The following CUX1 variants were observed in gnomAD, a reference collection of about 807,000 sequenced individuals.
CUX1 encodes the protein protein CASP.
CUX1 carries 31 observed loss-of-function variants against 158.8 expected under a neutral mutation model. That is an observed-to-expected ratio of 0.20 (90% CI 0.15 to 0.26). The LOEUF is 0.26. Among genes scored for constraint, CUX1 ranks in the 10% least tolerant of loss-of-function variants. CUX1 has a pLI of 1.00. For synonymous variants in CUX1, 879 were observed against 862.1 expected, an observed-to-expected ratio of 1.02 and a Z score of -0.34; for missense variants, 1,589 against 2,014.6, an observed-to-expected ratio of 0.79 and a Z score of 4.04.
chr7:101,980,490 C>T (rs972114449), intron 2 of CUX1, among the ~76,000 whole-genome samples: 1 of 152,202 alleles, frequency 6.6e-6, no homozygotes, highest in Non-Finnish European at 1.5e-5. Context: ...GCCTGGGCGA[C>T]AGAGGGAGAC....
At chr7:102,100,315 G>T (rs1466919458) in intron 5 of CUX1, among the ~76,000 whole-genome samples, 1 of 152,160 alleles carries the variant, frequency 6.6e-6, no homozygotes, top group Non-Finnish European at 1.5e-5. Flanking sequence ...AGACAGACCT[G>T]GTTTGAGTCC....
chr7:102,169,903 AAGGG>A (rs1791523827), intron 9 of CUX1, among the ~76,000 whole-genome samples: 1 of 152,210 alleles, frequency 6.6e-6, no homozygotes, highest in South Asian at 2.1e-4. Flanking sequence ...TTGTCCAGTG[AAGGG>A]TTAAATATGT....
intron 8 of CUX1, among the ~76,000 whole-genome samples, chr7:102,142,883 C>T (rs1834616929): frequency 6.6e-6 from 1 of 152,038 alleles, no homozygotes; most frequent in Non-Finnish European, 1.5e-5. Context: ...GGTCAAACCA[C>T]TGCACTCCAG....
chr7:101,887,610 T>C (rs1800364935), intron 1 of CUX1, among the ~76,000 whole-genome samples: 1 of 152,018 alleles, frequency 6.6e-6, no homozygotes, highest in African/African-American at 2.4e-5. Flanking sequence ...CACCCGGCCA[T>C]GTCCTCTTTT....
intron 2 of CUX1, among the ~76,000 whole-genome samples, chr7:101,976,043 G>C (rs1812623099): frequency 6.6e-6 from 1 of 152,128 alleles, no homozygotes; most frequent in East Asian, 1.9e-4. Flanking sequence ...GAGGCAGGGA[G>C]AATCACTTGA....
chr7:101,980,409 C>T (rs1377671141), intron 2 of CUX1, among the ~76,000 whole-genome samples: 1 of 152,158 alleles, frequency 6.6e-6, no homozygotes, highest in African/African-American at 2.4e-5. Context: ...ACTGGGGAAG[C>T]TGAGGTGGGA....
chr7:102,010,937 C>A (rs111241639), intron 2 of CUX1, among the ~76,000 whole-genome samples: 19 of 151,904 alleles, frequency 1.3e-4, no homozygotes, highest in African/African-American at 4.3e-4. Context: ...ATGGAGAAAC[C>A]CCCATCTCTA....
At chr7:101,898,748 A>G (rs1021500918) in intron 1 of CUX1, among the ~76,000 whole-genome samples, 1 of 151,066 alleles carries the variant, frequency 6.6e-6, no homozygotes, top group Non-Finnish European at 1.5e-5. Context: ...GCACCACCAC[A>G]CCTGGCTAAT....
At chr7:102,078,715 A>T (rs184954246) in intron 4 of CUX1, among the ~76,000 whole-genome samples, 32 of 152,272 alleles carry the variant, frequency 2.1e-4, no homozygotes, top group African/African-American at 7.5e-4. Flanking sequence ...CTTTATTTCC[A>T]TAGGTTAACT....
chr7:101,984,236 G>A (rs1813973819), intron 2 of CUX1, among the ~76,000 whole-genome samples: 1 of 146,216 alleles, frequency 6.8e-6, no homozygotes, highest in Non-Finnish European at 1.5e-5. Context: ...GTCAGGCATT[G>A]AATATGGGCC....
At chr7:102,191,191 T>A (rs1586136054) in intron 12 of CUX1, among the ~76,000 whole-genome samples, 1 of 152,128 alleles carries the variant, frequency 6.6e-6, no homozygotes, top group Non-Finnish European at 1.5e-5. Flanking sequence ...GACCCCTACA[T>A]CCCTCTAACA....
intron 1 of CUX1, among the ~76,000 whole-genome samples, chr7:101,875,892 G>C (rs1431688489): frequency 1.3e-5 from 2 of 151,994 alleles, no homozygotes; most frequent in Admixed American, 1.3e-4. Flanking sequence ...AAAAATGAGA[G>C]TAAAGATTAA....
chr7:102,130,965 A>G (rs1014059273), intron 8 of CUX1, among the ~76,000 whole-genome samples: 51 of 152,062 alleles, frequency 3.4e-4, no homozygotes, highest in African/African-American at 1.2e-3. Context: ...CCTGGCCAAC[A>G]TGATGAAACC....
At chr7:101,889,008 G>A (rs976763691) in intron 1 of CUX1, among the ~76,000 whole-genome samples, 7 of 151,028 alleles carry the variant, frequency 4.6e-5, no homozygotes, top group African/African-American at 1.5e-4. Flanking sequence ...ACTCATGCCT[G>A]TAATCTTAGC....
At chr7:101,904,704 G>A (rs1802556426) in intron 1 of CUX1, among the ~76,000 whole-genome samples, 1 of 151,784 alleles carries the variant, frequency 6.6e-6, no homozygotes, top group Non-Finnish European at 1.5e-5. Context: ...AAGTAGCTGA[G>A]ATTGCAGGCG....
chr7:102,212,568 C>T (rs1554523455), intron 20 of CUX1, among the ~76,000 whole-genome samples: 1 of 152,036 alleles, frequency 6.6e-6, no homozygotes, highest in East Asian at 1.9e-4. Flanking sequence ...TAAAATGCAC[C>T]ATAGTTACAA....
rs528881840 is a variant in CUX1, at chr7:102,282,832, C to T, written c.1967+56C>T. On this transcript the variant is annotated intron_variant, in intron 22 of 22. Transcript: ENST00000292538. ...CCCCACAGCGAGCTCCCAGCACCCC[C>T]GCAACACCCCCGAGTTCCTGCCTCA... The T allele has an allele frequency of 2.5e-5, 34 of 1,371,536 alleles. No individual in the cohort carries two copies. The East Asian group carries it at 3.3e-4, about 13-fold the overall frequency. 85.0% of individuals were successfully genotyped at this position (1,371,536 alleles called of 1,614,324 possible).
rs1554547001 is a variant in CUX1 at position 102,274,121 on chromosome 7, C to T, written c.1384-123C>T. 5 of 902,542 alleles carry T rather than the reference C, an allele frequency of 5.5e-6. No homozygotes were observed. In the Middle Eastern group the frequency reaches 9.9e-4, roughly 178 times the overall value. 55.9% of individuals were successfully genotyped at this position (902,542 alleles called of 1,614,324 possible). A position where few individuals can be genotyped will look rare whatever the true frequency, so the allele number is the denominator to read the frequency against. On this transcript the variant is annotated intron_variant, in intron 15 of 22. Coordinates refer to the CUX1 transcript ENST00000292538. The stretch of plus-strand genomic sequence containing the variant: ...CGGGCCCTCCTGCAGCCAGCCTGCA[C>T]CCCGGATGGCCCCACCCACTCCTTG...
rs571228314 is a variant in CUX1, at chr7:102,215,397, T to C, written c.3130+10227T>C. On this transcript the variant is annotated intron_variant, in intron 20 of 23. Coordinates refer to ENST00000292535, the MANE Select transcript of CUX1 (RefSeq NM_181552.4). ...TAATTACTGAGTGTTTCTCCTGAGA[T>C]AGTGCAGCATTTGGCTGGGATGCCG... Among the ~76,000 whole-genome samples the C allele has an allele frequency of 4.6e-5, 7 of 152,294 alleles. No homozygotes were observed. The South Asian group carries it at 1.5e-3, about 32-fold the overall frequency.
Sources: gnomAD v4.1 joint callset for allele counts (sites outside exome capture counted in the v4.1 genomes callset) on GRCh38, gnomAD v4.1.1 for gene constraint, MANE v1.5 for transcripts, NCBI Gene and HGNC (gene_info 2026-07-23, HGNC 2026-07-21) for gene names.